PTPRE: variants seen among roughly 807,000 people sequenced by gnomAD.
The protein encoded by PTPRE is receptor-type tyrosine-protein phosphatase epsilon.
Under a neutral mutation model 102.0 loss-of-function variants are expected in PTPRE, and 51 were observed. The observed-to-expected ratio is 0.50, with a 90% CI of 0.40 to 0.63. PTPRE has a LOEUF of 0.63. PTPRE is among the 30% of genes least tolerant of loss of function. PTPRE has a pLI of 0.00. For synonymous variants in PTPRE, 345 were observed against 348.2 expected (o/e 0.99, Z 0.10); for missense variants, 752 against 915.1 (o/e 0.82, Z 2.30).
chr10:127,938,305 G>A (rs1589780170), intron 1 of PTPRE, among the ~76,000 whole-genome samples: 3 of 152,154 alleles, frequency 2.0e-5, no homozygotes, highest in Admixed American at 1.3e-4. Context: ...AGCTCTCACT[G>A]ATCAGTCAGG....
At chr10:127,941,653 T>C (rs941907322) in intron 1 of PTPRE, among the ~76,000 whole-genome samples, 6 of 152,278 alleles carry the variant, frequency 3.9e-5, no homozygotes, top group African/African-American at 1.4e-4. Context: ...ACTTGGTTTC[T>C]GGACAGCCAG....
rs1244235830 is a variant in PTPRE, at chr10:128,068,153, C to A, written c.874C>A (p.Leu292Met). The change falls in exon 12 of 21, where the codon CTG becomes ATG. Residue 292 changes from leucine to methionine, a missense_variant. By Grantham distance (15) the Leu-to-Met change is conservative (BLOSUM62 2). This residue lies in a region of PTPRE where 636 missense variants were observed against 824.4 expected (regional missense o/e 0.77). Transcript: ENST00000254667. ...CCCCGACGGCTGCAAAGCCCCCAGG[C>A]TGGTCTCACAGCTGCACTTCACCAG... ...QLPDGCKAPR[L>M]VSQLHFTSWP... The A allele has an allele frequency of 1.2e-6, 2 of 1,613,944 alleles. No homozygotes were observed.
chr10:128,007,918 G>A (rs890584924), intron 2 of PTPRE, among the ~76,000 whole-genome samples: 36 of 152,154 alleles, frequency 2.4e-4, no homozygotes, highest in African/African-American at 8.7e-4. Context: ...AAATAAGAGG[G>A]CACCTTCTGC....
rs141428359 is a variant in PTPRE, at chr10:127,968,080, G to A, written c.-30-14194G>A. 1.4e-3 allele frequency among the ~76,000 whole-genome samples: 217 copies of A among 150,018 alleles called. 1 individual carries two copies. Among genetic ancestry groups the A allele is most frequent in the South Asian group, 3.4e-3 (16 of 4,776 alleles). Reference sequence around the variant, plus strand: ...TATAGGTCACACAGTTGTCTTAGCCGTCAGCCCTCAAAAGGCAGGTTCACA... The same window carrying A: ...TATAGGTCACACAGTTGTCTTAGCCATCAGCCCTCAAAAGGCAGGTTCACA... On this transcript the variant is annotated intron_variant, in intron 1 of 20. Coordinates refer to ENST00000254667, the MANE Select transcript of PTPRE (RefSeq NM_006504.6).
intron 11 of PTPRE, 73 bp from the exon 12 acceptor site, chr10:128,068,050 C>T: frequency 6.6e-7 from 1 of 1,525,718 alleles, no homozygotes; most frequent in East Asian, 2.3e-5. Flanking sequence ...ACGGCGGCGT[C>T]CTCAGAATGA....
chr10:127,947,563 T>A (rs1435318517), intron 1 of PTPRE, among the ~76,000 whole-genome samples: 1 of 152,226 alleles, frequency 6.6e-6, no homozygotes, highest in African/African-American at 2.4e-5. Flanking sequence ...TTGGACAAAT[T>A]TTCACAATGT....
At chr10:128,031,778 A>G (rs1183665264) in intron 2 of PTPRE, among the ~76,000 whole-genome samples, 1 of 152,124 alleles carries the variant, frequency 6.6e-6, no homozygotes, top group Admixed American at 6.5e-5. Flanking sequence ...GAGAATCAAT[A>G]TGTGTTTTGT....
Position 127,944,548 on chromosome 10 carries a change from GTGGA to G in PTPRE, c.-31+37251_-31+37254del, listed in dbSNP as rs1848497553. 1.1e-5 allele frequency among the ~76,000 whole-genome samples: 1 copy of G among 89,160 alleles called. No homozygotes were observed. The highest frequency in any genetic ancestry group is 2.5e-5 in the Non-Finnish European group (1 of 39,720). The allele number at this position is 89,160 out of a possible 152,430, so 58.5% of individuals were successfully genotyped here. A position where few individuals can be genotyped will look rare whatever the true frequency, so the allele number is the denominator to read the frequency against. On this transcript the variant is annotated intron_variant, in intron 1 of 20. Coordinates refer to ENST00000254667, the MANE Select transcript of PTPRE (RefSeq NM_006504.6). This position sits in a 1 kb window ranked among gnomAD's most constrained non-coding sequence, Gnocchi z 4.2. ...GATGGATAAATGGATGGATGGATAAGTGGATGGATGGATGGGTGGATAGATGGAT... is the reference window on the plus strand; with the variant it reads ...GATGGATAAATGGATGGATGGATAAGTGGATGGATGGGTGGATAGATGGAT...
chr10:128,051,261 C>A (rs114805563), intron 6 of PTPRE, among the ~76,000 whole-genome samples: 2,420 of 152,218 alleles, frequency 0.016, 67 homozygotes, highest in African/African-American at 0.055. Context: ...GGGAGGGAGT[C>A]CAGGAATAGG....
At chr10:128,041,119 A>C (rs1026035042) in intron 3 of PTPRE, 129 bp downstream of exon 3, 8 of 786,944 alleles carry the variant, frequency 1.0e-5, no homozygotes, top group Admixed American at 2.4e-5. Context: ...TGTGCTTTTA[A>C]TAGTTTGTGC....
At chr10:127,979,132 C>T (rs1442505626) in intron 1 of PTPRE, among the ~76,000 whole-genome samples, 3 of 152,224 alleles carry the variant, frequency 2.0e-5, no homozygotes, top group Non-Finnish European at 4.4e-5. Flanking sequence ...CCAGGGCACT[C>T]CACAGCCCGA....
Position 128,068,247 on chromosome 10 carries a change from T to C in PTPRE, c.968T>C (p.Leu323Pro). The C allele has an allele frequency of 6.2e-7, 1 of 1,614,144 alleles. No individual in the cohort carries two copies. The highest frequency in any genetic ancestry group is 8.5e-7 in the Non-Finnish European group (1 of 1,179,990). The change falls in exon 12 of 21, where the codon CTC becomes CCC. Residue 323 changes from leucine (L) to proline (P), a missense_variant. Leu to Pro is a moderately conservative substitution (Grantham distance 98). Coordinates refer to ENST00000254667, the MANE Select transcript of PTPRE (RefSeq NM_006504.6). ...AAGTTCCTCAAGAAAGTAAAGACGC[T>C]CAACCCCGTGCACGCTGGGCCCATC... Reference protein sequence around the residue: ...MLKFLKKVKTLNPVHAGPIVV... With the variant: ...MLKFLKKVKTPNPVHAGPIVV...
intron 7 of PTPRE, among the ~76,000 whole-genome samples, chr10:128,059,615 C>T (rs371058809): frequency 6.6e-6 from 1 of 152,196 alleles, no homozygotes; most frequent in Non-Finnish European, 1.5e-5. Context: ...ACATGCCAGA[C>T]TCTGTGCCCA....
At chr10:128,004,107 A>G (rs1854265421) in intron 2 of PTPRE, among the ~76,000 whole-genome samples, 1 of 151,930 alleles carries the variant, frequency 6.6e-6, no homozygotes, top group African/African-American at 2.4e-5. Context: ...TGAAGCACTT[A>G]GAAAGGGCAA....
rs1852003611 is a variant in PTPRE at position 128,085,172 on chromosome 10, G to T, written c.*2266G>T. 2.2e-6 allele frequency: 1 copy of T among 451,974 alleles called. No homozygotes were observed. The highest frequency in any genetic ancestry group is 4.5e-6 in the Non-Finnish European group (1 of 224,610). 28.0% of individuals were successfully genotyped at this position (451,974 alleles called of 1,614,324 possible). ...GCGGGGAGGTCATTACAGCCTCATG[G>T]CCTCTACCAAGGCCCCAGATCACAG... is the stretch of plus-strand genomic sequence containing the variant. On this transcript the variant is annotated 3_prime_UTR_variant, in exon 21 of 21. Transcript: ENST00000254667.
chr10:127,968,511 G>T (rs1302664363), intron 1 of PTPRE, among the ~76,000 whole-genome samples: 1 of 152,238 alleles, frequency 6.6e-6, no homozygotes, highest in East Asian at 1.9e-4. Flanking sequence ...AGAGCTCAGG[G>T]CAGGGGGCCT....
At chr10:127,951,033 C>T (rs60161645) in intron 1 of PTPRE, among the ~76,000 whole-genome samples, 5,592 of 151,948 alleles carry the variant, frequency 0.037, 317 homozygotes, top group African/African-American at 0.12. Context: ...GCCAAGATTG[C>T]GCCACTGCAC....
chr10:127,953,644 T>C (rs904616734), intron 1 of PTPRE, among the ~76,000 whole-genome samples: 1 of 152,214 alleles, frequency 6.6e-6, no homozygotes, highest in African/African-American at 2.4e-5. Flanking sequence ...CCTGCTATGC[T>C]GCCTTCTCTC....
At chr10:127,914,101 A>G (rs920216309) in intron 1 of PTPRE, among the ~76,000 whole-genome samples, 1 of 152,038 alleles carries the variant, frequency 6.6e-6, no homozygotes, top group Non-Finnish European at 1.5e-5. Flanking sequence ...GCTAGTTCAC[A>G]TGATATCTGG....
Sources: allele counts gnomAD v4.1 joint callset (sites outside exome capture counted in the v4.1 genomes callset), GRCh38; gene constraint gnomAD v4.1.1; regional missense constraint gnomAD v4.1.1; non-coding constraint Gnocchi (gnomAD v3.1); transcripts MANE v1.5; gene names NCBI Gene and HGNC (gene_info 2026-07-23, HGNC 2026-07-21).